FGD2: variants seen among roughly 807,000 people sequenced by gnomAD.
FGD2 encodes the protein FYVE, RhoGEF and PH domain-containing protein 2.
Under a neutral mutation model 75.9 loss-of-function variants are expected in FGD2, and 52 were observed. The ratio of observed to expected loss-of-function variants is 0.69; its 90% CI spans 0.55 to 0.86. FGD2 has a LOEUF of 0.86. Among genes scored for constraint, FGD2 ranks in the 40% least tolerant of loss-of-function variants. The probability of loss-of-function intolerance (pLI) is 0.00; values close to 1 mark genes in which losing one functional copy is unlikely to be tolerated. For synonymous variants in FGD2, 347 were observed against 348.6 expected, an observed-to-expected ratio of 1.00 and a Z score of 0.05; for missense variants, 790 against 872.0, an observed-to-expected ratio of 0.91 and a Z score of 1.18.
intron 1 of FGD2, 68 bp from the exon 2 acceptor site, chr6:37,008,766 C>T: frequency 6.9e-7 from 1 of 1,458,372 alleles, no homozygotes; most frequent in South Asian, 1.4e-5. Flanking sequence ...CAAATCCACA[C>T]CAGGGACTTG....
chr6:37,019,870 T>TG (rs397761943), intron 9 of FGD2, among the ~76,000 whole-genome samples: 1 of 147,928 alleles, frequency 6.8e-6, no homozygotes, highest in East Asian at 2.1e-4. Context: ...TTTTTTTTTT[T>TG]GAGACAGAGT....
rs1410357030 is a variant in FGD2 at position 37,028,474 on chromosome 6, T to G, written c.*311T>G. The G allele has an allele frequency of 5.7e-6, 2 of 353,206 alleles. No individual in the cohort carries two copies. Among genetic ancestry groups the G allele is most frequent in the Admixed American group, 4.4e-5 (1 of 22,912 alleles). 21.9% of individuals were successfully genotyped at this position (353,206 alleles called of 1,614,324 possible). ...ACTGGTGGTCACCATAGTATGGTTTTTCATTTGTATCTCCTGGGGAGCTTT... is the reference window on the plus strand; with the variant it reads ...ACTGGTGGTCACCATAGTATGGTTTGTCATTTGTATCTCCTGGGGAGCTTT... On this transcript the variant is annotated 3_prime_UTR_variant, in exon 16 of 16. Coordinates refer to ENST00000274963, the MANE Select transcript of FGD2 (RefSeq NM_173558.4).
chr6:37,014,368 G>C, intron 6 of FGD2: 1 of 615,546 alleles, frequency 1.6e-6, no homozygotes. Context: ...CAAAGCCCAT[G>C]CTCCTTCCAT....
intron 12 of FGD2, 83 bp downstream of exon 12, chr6:37,021,687 C>T: frequency 8.0e-7 from 1 of 1,245,620 alleles, no homozygotes; most frequent in Non-Finnish European, 1.1e-6. Context: ...TATACCAGCT[C>T]AGAGGGAGAG....
At chr6:37,024,361 A>G (rs1765720325) in intron 13 of FGD2, 3 of 152,154 alleles carry the variant, frequency 2.0e-5, no homozygotes, top group African/African-American at 7.2e-5. Context: ...AAATAATAAT[A>G]TTGTATCAAT....
intron 4 of FGD2, chr6:37,012,912 C>T (rs2770122): frequency 0.21 from 29,666 of 142,876 alleles, 3,445 homozygotes; most frequent in East Asian, 0.44. Context: ...CCATGGCTCC[C>T]TGCTGCTCTG....
At chr6:37,011,466 G>T in intron 3 of FGD2, 1 of 588,074 alleles carries the variant, frequency 1.7e-6, no homozygotes, top group Non-Finnish European at 3.0e-6. Flanking sequence ...GCCTGTTTAT[G>T]GCATTCATCA....
chr6:37,024,728 C>T (rs1419065103), intron 13 of FGD2: 1 of 152,232 alleles, frequency 6.6e-6, no homozygotes, highest in African/African-American at 2.4e-5. Flanking sequence ...CTGAAGCCCC[C>T]GTGTGGGGCT....
chr6:37,011,413 A>G, intron 3 of FGD2: 1 of 559,248 alleles, frequency 1.8e-6, no homozygotes, highest in East Asian at 3.1e-5. Flanking sequence ...TCATCACCGC[A>G]GGGAGCTCTA....
rs1361105934 is a variant in FGD2 at position 37,014,693 on chromosome 6, A to G, written c.871A>G (p.Ile291Val). 2 of 1,614,056 alleles carry G rather than the reference A, an allele frequency of 1.2e-6. No individual in the cohort carries two copies. Among genetic ancestry groups the G allele is most frequent in the South Asian group, 1.1e-5 (1 of 91,088 alleles). ...AGCTGCCCAGCACTCCAATGCAGCC[A>G]TCACTGAGATGGTAAGCAGCCCGCC... The part of the protein sequence containing the change: ...FSAAQHSNAA[I>V]TEMERLQDLW... Residue 291 changes from isoleucine (I) to valine (V), a missense_variant, in exon 7 of 16, where the codon ATC (isoleucine) becomes GTC (valine). Transcript: ENST00000274963.
chr6:37,021,911 A>C, intron 12 of FGD2: 1 of 481,984 alleles, frequency 2.1e-6, no homozygotes, highest in Non-Finnish European at 3.7e-6. Context: ...ACAAAGTCTC[A>C]GGGAAGATGG....
intron 9 of FGD2, among the ~76,000 whole-genome samples, chr6:37,020,146 C>CATTA (rs1443141346): frequency 6.6e-5 from 10 of 152,202 alleles, no homozygotes; most frequent in Non-Finnish European, 1.5e-4. Flanking sequence ...GCCACTGCAC[C>CATTA]CAGCCAAGGT....
chr6:37,013,472 C>A, intron 4 of FGD2, 137 bp from the exon 5 acceptor site: 1 of 1,449,780 alleles, frequency 6.9e-7, no homozygotes, highest in East Asian at 2.5e-5. Flanking sequence ...AGGATGACAC[C>A]CCCGTACCCC....
Position 37,015,748 on chromosome 6 carries a change from C to CA in FGD2, c.1030-19dup. 6.4e-7 allele frequency: 1 copy of CA among 1,567,792 alleles called. No homozygotes were observed. Among genetic ancestry groups the CA allele is most frequent in the Non-Finnish European group, 8.6e-7 (1 of 1,156,086 alleles). On this transcript the variant is annotated intron_variant, in intron 8 of 15. Coordinates refer to ENST00000274963, the MANE Select transcript of FGD2 (RefSeq NM_173558.4). ...CTCCCTGCCCCTGCCACGGGCCACT[C>CA]ACGCCTGTGTCTCCTGCAGTTCAAC...
At chr6:37,020,677 C>A (rs1214406283) in intron 10 of FGD2, 32 bp from the exon 11 acceptor site, 2 of 1,577,214 alleles carry the variant, frequency 1.3e-6, no homozygotes, top group Non-Finnish European at 1.7e-6. Context: ...AGGGGCTGAT[C>A]TCCTCAACAC....
rs1404013627 is a variant in FGD2, at chr6:37,025,828, C to G, written c.1495C>G (p.Leu499Val). 1 of 1,614,120 alleles carries G rather than the reference C, an allele frequency of 6.2e-7. No homozygotes were observed. The highest frequency in any genetic ancestry group is 8.5e-7 in the Non-Finnish European group (1 of 1,180,042). ...CARCSDYRAE[L>V]KYDDNRPNRV... ...CAGGTGCTCCGACTACCGGGCCGAACTGAAATACGACGACAACAGGCCCAA... is the reference window on the plus strand; with the variant it reads ...CAGGTGCTCCGACTACCGGGCCGAAGTGAAATACGACGACAACAGGCCCAA... The change falls in exon 14 of 16, where the codon CTG becomes GTG. Residue 499 changes from leucine (L) to valine (V), a missense_variant. Coordinates refer to ENST00000274963, the MANE Select transcript of FGD2 (RefSeq NM_173558.4).
chr6:37,014,400 G>A (rs954475256), intron 6 of FGD2: 3 of 620,778 alleles, frequency 4.8e-6, no homozygotes, highest in Non-Finnish European at 8.4e-6. Context: ...GGTCTGGCTT[G>A]TTTTGGGAAG....
chr6:37,018,015 G>A (rs1474171333), intron 9 of FGD2, among the ~76,000 whole-genome samples: 3 of 152,214 alleles, frequency 2.0e-5, no homozygotes, highest in Non-Finnish European at 4.4e-5. Flanking sequence ...ATAGACCAGG[G>A]CGTGTGCAGG....
intron 2 of FGD2, chr6:37,009,426 A>C: frequency 4.7e-6 from 1 of 211,308 alleles, no homozygotes; most frequent in Non-Finnish European, 9.6e-6. Flanking sequence ...GGAGACAACA[A>C]TCTCAACCTA....
Sources: gnomAD v4.1 joint callset for allele counts (sites outside exome capture counted in the v4.1 genomes callset) on GRCh38, gnomAD v4.1.1 for gene constraint, MANE v1.5 for transcripts, NCBI Gene and HGNC (gene_info 2026-07-23, HGNC 2026-07-21) for gene names.